Variants in CDRT4 observed in about 807,000 individuals in gnomAD.
CDRT4 encodes CMT1A duplicated region transcript 4, also known as CMT1A duplicated region transcript 4 protein.
For missense variants in CDRT4, 167 were observed against 193.1 expected (o/e 0.87, Z 0.80); for synonymous variants, 64 against 69.6 (o/e 0.92, Z 0.40).
At chr17:15,451,782 C>T (rs1311606952) in intron 2 of CDRT4, among the ~76,000 whole-genome samples, 3 of 152,220 alleles carry the variant, frequency 2.0e-5, no homozygotes, top group Non-Finnish European at 2.9e-5. Context: ...ACATCACCAC[C>T]AGTCACTATC....
At chr17:15,451,203 A>T (rs1330509328) in intron 2 of CDRT4, among the ~76,000 whole-genome samples, 1 of 152,180 alleles carries the variant, frequency 6.6e-6, no homozygotes, top group African/African-American at 2.4e-5. Context: ...TATAAAGGGC[A>T]GTTCCCCTGC....
intron 2 of CDRT4, chr17:15,452,721 C>G (rs1186248197): frequency 6.6e-6 from 1 of 152,244 alleles, no homozygotes; most frequent in African/African-American, 2.4e-5. Flanking sequence ...TCCAGTGATA[C>G]TTCTTTTGAG....
chr17:15,437,386 C>T lies in CDRT4; in HGVS notation c.*387G>A. ...TCCTGTGGTGCTACCTCCATGGATACCTTTGTATTCCCTTCCTGCCCTTTA... is the reference window on the plus strand; with the variant it reads ...TCCTGTGGTGCTACCTCCATGGATATCTTTGTATTCCCTTCCTGCCCTTTA... On this transcript the variant is annotated 3_prime_UTR_variant, in exon 4 of 4. Coordinates refer to ENST00000619038, the MANE Select transcript of CDRT4 (RefSeq NM_001204477.2). 4.0e-6 allele frequency: 1 copy of T among 247,730 alleles called. No homozygotes were observed. Among genetic ancestry groups the T allele is most frequent in the Non-Finnish European group, 7.9e-6 (1 of 127,340 alleles). 15.3% of individuals were successfully genotyped at this position (247,730 alleles called of 1,614,324 possible).
chr17:15,453,938 A>G (rs1979374069), intron 1 of CDRT4, among the ~76,000 whole-genome samples: 1 of 152,248 alleles, frequency 6.6e-6, no homozygotes, highest in African/African-American at 2.4e-5. Context: ...CAGAGGGCAC[A>G]GGGCACAGGC....
chr17:15,465,786 G>A (rs1186333027), intron 1 of CDRT4, among the ~76,000 whole-genome samples: 1 of 152,232 alleles, frequency 6.6e-6, no homozygotes, highest in African/African-American at 2.4e-5. Context: ...AGGGGCTCTT[G>A]CTGTGGTCAG....
rs1978527994 is a variant in CDRT4 at position 15,437,138 on chromosome 17, C to G, written c.*635G>C. 6.6e-6 allele frequency: 1 copy of G among 152,340 alleles called. No homozygotes were observed. Among genetic ancestry groups the G allele is most frequent in the African/African-American group, 2.4e-5 (1 of 41,422 alleles). 9.4% of individuals were successfully genotyped at this position (152,340 alleles called of 1,614,324 possible). On this transcript the variant is annotated 3_prime_UTR_variant, in exon 4 of 4. Coordinates refer to ENST00000619038, the MANE Select transcript of CDRT4 (RefSeq NM_001204477.2). ...CTCACAAAAGCAGCCTCATGGGGGT[C>G]CCCTCAGAGACACCAACAAAACATC... is the stretch of plus-strand genomic sequence containing the variant.
At chr17:15,442,673 C>G (rs1382978712) in intron 2 of CDRT4, among the ~76,000 whole-genome samples, 1 of 152,150 alleles carries the variant, frequency 6.6e-6, no homozygotes, top group Non-Finnish European at 1.5e-5. Flanking sequence ...TCACCTGACC[C>G]CTACAGCTGT....
chr17:15,462,793 G>A (rs1979816730), intron 1 of CDRT4, among the ~76,000 whole-genome samples: 1 of 152,136 alleles, frequency 6.6e-6, no homozygotes, highest in South Asian at 2.1e-4. Context: ...CAGGAGAGTA[G>A]TGACCTCTGA....
chr17:15,448,533 C>T (rs1360995292), intron 2 of CDRT4, among the ~76,000 whole-genome samples: 2 of 152,186 alleles, frequency 1.3e-5, no homozygotes, highest in Non-Finnish European at 2.9e-5. Context: ...GAGACACACA[C>T]CCTCTCTCCC....
intron 1 of CDRT4, among the ~76,000 whole-genome samples, chr17:15,456,277 T>C (rs945260938): frequency 1.3e-5 from 2 of 151,902 alleles, no homozygotes; most frequent in African/African-American, 4.8e-5. Flanking sequence ...ACTAGAGGGG[T>C]TGCAGGTGGG....
At chr17:15,456,189 T>C (rs951699169) in intron 1 of CDRT4, among the ~76,000 whole-genome samples, 2 of 152,066 alleles carry the variant, frequency 1.3e-5, no homozygotes, top group Non-Finnish European at 1.5e-5. Flanking sequence ...GCCTATAACA[T>C]ACTACAAAAA....
rs143623721 is a variant in CDRT4 at position 15,443,208 on chromosome 17, T to A, written c.-47-2923A>T. Among the ~76,000 whole-genome samples the A allele has an allele frequency of 7.9e-5, 12 of 152,236 alleles. No individual in the cohort carries two copies. In the East Asian group the frequency reaches 2.3e-3, roughly 29 times the overall value. On this transcript the variant is annotated intron_variant, in intron 2 of 3. Coordinates refer to ENST00000619038, the MANE Select transcript of CDRT4 (RefSeq NM_001204477.2). The stretch of plus-strand genomic sequence containing the variant: ...TTCCTTAACTTCTTAGGACCTCAGT[T>A]GTCACTTACAAAATGAGGAAGAGGA...
At chr17:15,444,085 C>A (rs1978904482) in intron 2 of CDRT4, 1 of 1,145,156 alleles carries the variant, frequency 8.7e-7, no homozygotes, top group African/African-American at 1.5e-5. Flanking sequence ...TCAAATTCAG[C>A]GACTTTGATT....
At chr17:15,462,100 A>AG (rs1436095523) in intron 1 of CDRT4, among the ~76,000 whole-genome samples, 1 of 152,060 alleles carries the variant, frequency 6.6e-6, no homozygotes, top group Non-Finnish European at 1.5e-5. Context: ...GCTAATACAG[A>AG]GGGTGCTCAA....
chr17:15,452,128 T>C (rs1464137547), intron 2 of CDRT4, among the ~76,000 whole-genome samples: 1 of 152,158 alleles, frequency 6.6e-6, no homozygotes, highest in Non-Finnish European at 1.5e-5. Context: ...TGGCAAAAGG[T>C]GGGACGTTAT....
intron 2 of CDRT4, among the ~76,000 whole-genome samples, chr17:15,441,107 T>C (rs1445817864): frequency 6.6e-6 from 1 of 152,222 alleles, no homozygotes; most frequent in East Asian, 1.9e-4. Context: ...TATTCGATTT[T>C]GCCATCTCTT....
In CDRT4 at chr17:15,436,214, G is replaced by A. The variant is rs1006035629; in HGVS notation, c.*1559C>T. On this transcript the variant is annotated 3_prime_UTR_variant, in exon 4 of 4. Coordinates refer to ENST00000619038, the MANE Select transcript of CDRT4 (RefSeq NM_001204477.2). ...CCAACATAAAAGCACAAGAGCCAGA[G>A]GTGAGTTCTCCAAAGCTGCACCTGT... 6.6e-6 allele frequency: 1 copy of A among 152,220 alleles called. No homozygotes were observed. The highest frequency in any genetic ancestry group is 1.5e-5 in the Non-Finnish European group (1 of 68,046). 9.4% of individuals were successfully genotyped at this position (152,220 alleles called of 1,614,324 possible). A position where few individuals can be genotyped will look rare whatever the true frequency, so the allele number is the denominator to read the frequency against.
At chr17:15,467,070 G>T (rs916862080) in intron 1 of CDRT4, among the ~76,000 whole-genome samples, 3 of 152,314 alleles carry the variant, frequency 2.0e-5, no homozygotes, top group African/African-American at 4.8e-5. Flanking sequence ...CAGGGGATGG[G>T]GGGGAACGGG....
rs1202960682 is a variant in CDRT4, at chr17:15,453,102, G to A, written c.-129-17C>T. 1 of 152,214 alleles carries A rather than the reference G, an allele frequency of 6.6e-6. No individual in the cohort carries two copies. 9.4% of individuals were successfully genotyped at this position (152,214 alleles called of 1,614,324 possible). On this transcript the variant is annotated splice_polypyrimidine_tract_variant and intron_variant, in intron 1 of 3. Transcript: ENST00000619038. ...ACTGGGTTCCTGAGAAACACAGAAT[G>A]AGGAAGGTTAACTGGCAACATTTTA...
Sources: gnomAD v4.1 joint callset for allele counts (sites outside exome capture counted in the v4.1 genomes callset) on GRCh38, gnomAD v4.1.1 for gene constraint, MANE v1.5 for transcripts, NCBI Gene and HGNC (gene_info 2026-07-23, HGNC 2026-07-21) for gene names.